Variants in ALK observed in about 807,000 individuals in gnomAD.
ALK encodes ALK receptor tyrosine kinase.
ALK carries 74 observed loss-of-function variants against 163.1 expected under a neutral mutation model. The ratio of observed to expected loss-of-function variants is 0.45; its 90% CI spans 0.38 to 0.55. The LOEUF is 0.55. Ranked by LOEUF, ALK falls within the 20% of genes least tolerant of loss-of-function variation. The pLI is 0.00. For synonymous variants in ALK, 960 were observed against 843.2 expected, an observed-to-expected ratio of 1.14 and a Z score of -2.40; for missense variants, 2,063 against 2,105.3, an observed-to-expected ratio of 0.98 and a Z score of 0.39.
In ALK at chr2:29,920,650, T is replaced by C. The variant is rs1223034189; in HGVS notation, c.10A>G (p.Ile4Val). MGA[I>V]GLLWLLPLLL... ...AGCGGCAGGAGCCACAGGAGCCCGA[T>C]GGCTCCCATCCCGCCGGAGGAGGCC... Residue 4 changes from isoleucine to valine, a missense_variant, in exon 1 of 29, where the codon ATC (isoleucine) becomes GTC (valine). By Grantham distance (29) the Ile-to-Val change is conservative. Around this residue, in one of 5 missense-constraint regions of ALK, gnomAD observed 987 missense variants for 939.5 expected, o/e 1.05. Transcript: ENST00000389048. The C allele has an allele frequency of 6.5e-7, 1 of 1,537,138 alleles. No individual in the cohort carries two copies. Among genetic ancestry groups the C allele is most frequent in the Non-Finnish European group, 8.7e-7 (1 of 1,148,686 alleles).
In ALK at chr2:29,705,282, AAT is replaced by A. The variant is rs1491219331; in HGVS notation, c.788-10270_788-10269del. Among the ~76,000 whole-genome samples, 11 of 34,100 alleles carry A rather than the reference AAT, an allele frequency of 3.2e-4. No individual in the cohort carries two copies. In the South Asian group the frequency reaches 6.6e-3, roughly 20 times the overall value. 22.4% of individuals were successfully genotyped at this position (34,100 alleles called of 152,430 possible). On this transcript the variant is annotated intron_variant, in intron 2 of 28. Coordinates refer to ENST00000389048, the MANE Select transcript of ALK (RefSeq NM_004304.5). Reference sequence around the variant, plus strand: ...ATATATATATATATATATATATATAAATATATATCTGCTGTGATGATTGCATA... The same window carrying A: ...ATATATATATATATATATATATATAAATATATCTGCTGTGATGATTGCATA...
chr2:29,892,227 A>G (rs1216032136), intron 1 of ALK: 1 of 152,164 alleles, frequency 6.6e-6, no homozygotes, highest in Non-Finnish European at 1.5e-5. Context: ...GTTTCCTCCA[A>G]TCTGAGAATA....
intron 1 of ALK, among the ~76,000 whole-genome samples, chr2:29,882,880 T>C (rs1367808296): frequency 2.0e-5 from 3 of 152,212 alleles, no homozygotes; most frequent in Admixed American, 2.0e-4. Flanking sequence ...AAACATCAGA[T>C]GTGATTATCT....
At chr2:29,635,854 C>G (rs1676508573) in intron 3 of ALK, among the ~76,000 whole-genome samples, 2 of 151,822 alleles carry the variant, frequency 1.3e-5, no homozygotes, top group Non-Finnish European at 2.9e-5. Flanking sequence ...TGGTCACGAA[C>G]TCCTGACCTC....
chr2:29,822,319 C>T (rs1173890418), intron 1 of ALK, among the ~76,000 whole-genome samples: 3 of 152,178 alleles, frequency 2.0e-5, no homozygotes, highest in Non-Finnish European at 2.9e-5. Flanking sequence ...ATAGGATCAG[C>T]CTAGAGAACT....
chr2:29,804,410 C>T (rs1207163484), intron 1 of ALK, among the ~76,000 whole-genome samples: 1 of 152,222 alleles, frequency 6.6e-6, no homozygotes, highest in Non-Finnish European at 1.5e-5. Context: ...CGGACTAATG[C>T]CCAGCATTGT....
At chr2:29,628,748 C>CTAGT (rs1676270568) in intron 3 of ALK, among the ~76,000 whole-genome samples, 2 of 152,092 alleles carry the variant, frequency 1.3e-5, no homozygotes, top group Non-Finnish European at 2.9e-5. Context: ...CATGTGTGAT[C>CTAGT]TCAAGCAATT....
intron 3 of ALK, among the ~76,000 whole-genome samples, chr2:29,657,797 A>G (rs1677228679): frequency 6.6e-6 from 1 of 152,172 alleles, no homozygotes; most frequent in Admixed American, 6.5e-5. Flanking sequence ...ATGGGGCTGT[A>G]ACTAATGAGG....
At chr2:29,419,274 C>T (rs543579839) in intron 4 of ALK, among the ~76,000 whole-genome samples, 4 of 151,452 alleles carry the variant, frequency 2.6e-5, no homozygotes, top group South Asian at 2.1e-4. Context: ...AGTCTGGTCT[C>T]GAACTCCTGA....
At chr2:29,425,070 T>G (rs1431097683) in intron 4 of ALK, among the ~76,000 whole-genome samples, 1 of 152,080 alleles carries the variant, frequency 6.6e-6, no homozygotes, top group Non-Finnish European at 1.5e-5. Context: ...GCAGATCTGC[T>G]CTCCAGTGAA....
At chr2:29,427,827 A>G (rs1670182783) in intron 4 of ALK, among the ~76,000 whole-genome samples, 2 of 152,236 alleles carry the variant, frequency 1.3e-5, no homozygotes, top group East Asian at 1.9e-4. Flanking sequence ...TGAATAAAAA[A>G]TCTTCTTAAA....
At position 29,598,030 on chromosome 2, in the gene ALK, G is replaced by A. The variant is rs1298648032; in HGVS notation, c.953-65914C>T. On this transcript the variant is annotated intron_variant, in intron 3 of 28. Coordinates refer to ENST00000389048, the MANE Select transcript of ALK (RefSeq NM_004304.5). The stretch of plus-strand genomic sequence containing the variant: ...GGAGGGGAAAACAGAGGTTCAGAGA[G>A]TACTGTTATTTTTTGGAGTCAGAGT... Among the ~76,000 whole-genome samples, 4 of 152,188 alleles carry A rather than the reference G, an allele frequency of 2.6e-5. No individual in the cohort carries two copies. In the East Asian group the frequency reaches 7.7e-4, roughly 29 times the overall value.
chr2:29,606,805 C>T (rs1464142463), intron 3 of ALK, among the ~76,000 whole-genome samples: 2 of 152,230 alleles, frequency 1.3e-5, no homozygotes, highest in Non-Finnish European at 2.9e-5. Flanking sequence ...ACAGAAAAGT[C>T]TGCCAACCCC....
chr2:29,530,199 C>T (rs1673084766), intron 4 of ALK, among the ~76,000 whole-genome samples: 1 of 151,648 alleles, frequency 6.6e-6, no homozygotes, highest in South Asian at 2.1e-4. Flanking sequence ...TATTTCCTCT[C>T]TCTGCCTCAG....
chr2:29,697,494 C>T (rs188340556), intron 2 of ALK, among the ~76,000 whole-genome samples: 1 of 152,298 alleles, frequency 6.6e-6, no homozygotes, highest in East Asian at 1.9e-4. Flanking sequence ...CTTCCTTGCT[C>T]ATTGTCCACT....
At chr2:29,826,531 A>G (rs1277937581) in intron 1 of ALK, among the ~76,000 whole-genome samples, 1 of 152,018 alleles carries the variant, frequency 6.6e-6, no homozygotes, top group Non-Finnish European at 1.5e-5. Flanking sequence ...TAGCATTCAC[A>G]TACTCAGTCA....
chr2:29,589,792 T>C (rs1240794467), intron 3 of ALK, among the ~76,000 whole-genome samples: 2 of 152,208 alleles, frequency 1.3e-5, no homozygotes, highest in Non-Finnish European at 2.9e-5. Context: ...ATCAAAAGAA[T>C]CTAATGAACA....
intron 1 of ALK, among the ~76,000 whole-genome samples, chr2:29,855,871 T>C (rs575146702): frequency 1.3e-5 from 2 of 152,354 alleles, no homozygotes; most frequent in African/African-American, 4.8e-5. Context: ...GCTATGTCTA[T>C]AGAATCATCA....
chr2:29,418,598 T>C (rs370178249), intron 4 of ALK, among the ~76,000 whole-genome samples: 1 of 152,340 alleles, frequency 6.6e-6, no homozygotes, highest in Non-Finnish European at 1.5e-5. Context: ...TGTATCTATG[T>C]GTACCCACTG....
Sources: allele counts gnomAD v4.1 joint callset (sites outside exome capture counted in the v4.1 genomes callset), GRCh38; gene constraint gnomAD v4.1.1; regional missense constraint gnomAD v4.1.1; transcripts MANE v1.5; gene names NCBI Gene and HGNC (gene_info 2026-07-23, HGNC 2026-07-21).